Variants in RTL4 observed in about 807,000 individuals in gnomAD.
RTL4 encodes retrotransposon Gag like 4, also known as retrotransposon Gag-like protein 4.
Under a neutral mutation model 5.3 loss-of-function variants are expected in RTL4, and 4 were observed. The observed-to-expected ratio is 0.75, with a 90% confidence interval of 0.37 to 1.72. The LOEUF (loss-of-function observed/expected upper bound fraction) is 1.72, where lower values mean the gene tolerates loss of function less well. Ranked by LOEUF, RTL4 falls within the 40% of genes most tolerant of loss-of-function variation. The probability of loss-of-function intolerance (pLI) is 0.04; values close to 1 mark genes in which losing one functional copy is unlikely to be tolerated. For synonymous variants in RTL4, 98 were observed against 87.3 expected (o/e 1.12, Z -0.68); for missense variants, 260 against 227.1 (o/e 1.14, Z -0.93).
At chrX:112,442,394 C>T in the RTL4 span, among the ~76,000 whole-genome samples, 2 of 105,242 alleles carry the variant, frequency 1.9e-5, no homozygotes, top group African/African-American at 7.1e-5. Flanking sequence ...GTGCCCACCA[C>T]CACATCCAGT....
At chrX:112,096,252 T>C in the RTL4 span, among the ~76,000 whole-genome samples, 1 of 112,277 alleles carries the variant, frequency 8.9e-6, no homozygotes, top group African/African-American at 3.2e-5. Flanking sequence ...AGCTGGGTTA[T>C]AGTAACTGCC....
At chrX:112,249,658 G>C in the RTL4 span, among the ~76,000 whole-genome samples, 34 of 109,259 alleles carry the variant, frequency 3.1e-4, no homozygotes, top group African/African-American at 1.1e-3. Context: ...TTACATCATT[G>C]GATTTCCTGA....
the RTL4 span, among the ~76,000 whole-genome samples, chrX:112,123,079 G>C: frequency 6.3e-5 from 7 of 111,472 alleles, no homozygotes; most frequent in African/African-American, 2.3e-4. Flanking sequence ...GCAATACACT[G>C]ATTTTTAAAA....
At chrX:112,166,859 C>T in the RTL4 span, among the ~76,000 whole-genome samples, 2 of 111,901 alleles carry the variant, frequency 1.8e-5, no homozygotes, top group East Asian at 5.6e-4. Context: ...CAGGGCCTAA[C>T]ATATATTAAC....
the RTL4 span, among the ~76,000 whole-genome samples, chrX:112,281,945 T>C: frequency 6.2e-5 from 7 of 112,288 alleles, no homozygotes; most frequent in Non-Finnish European, 1.1e-4. Context: ...AACTGGCTCT[T>C]CACTCTGTTG....
the RTL4 span, among the ~76,000 whole-genome samples, chrX:112,243,514 T>C: frequency 3.6e-5 from 4 of 111,792 alleles, no homozygotes; most frequent in South Asian, 1.5e-3. Context: ...CTGATGGTAG[T>C]TTGTATTTCT....
At chrX:112,305,181 T>C in the RTL4 span, among the ~76,000 whole-genome samples, 2 of 92,825 alleles carry the variant, frequency 2.2e-5, no homozygotes, top group African/African-American at 1.1e-4. Flanking sequence ...TTTTTTGTCT[T>C]TTTTTTTTTT....
At chrX:112,243,141 TC>T in the RTL4 span, among the ~76,000 whole-genome samples, 1 of 111,421 alleles carries the variant, frequency 9.0e-6, no homozygotes, top group Non-Finnish European at 1.9e-5. Flanking sequence ...GGGATATTGG[TC>T]TAAAATTCTC....
At chrX:112,169,068 CTTTT>C in the RTL4 span, among the ~76,000 whole-genome samples, 2 of 46,010 alleles carry the variant, frequency 4.3e-5, no homozygotes, top group African/African-American at 7.7e-5. Flanking sequence ...TTCTTTCTTT[CTTTT>C]TTCTTTCTTT....
At chrX:112,310,373 T>TAC in the RTL4 span, among the ~76,000 whole-genome samples, 1 of 2,467 alleles carries the variant, frequency 4.1e-4, no homozygotes, top group Non-Finnish European at 9.1e-4. Context: ...TTTATACATA[T>TAC]ATATATATAT....
the RTL4 span, among the ~76,000 whole-genome samples, chrX:112,100,444 G>A: frequency 5.4e-5 from 6 of 112,087 alleles, no homozygotes; most frequent in Admixed American, 1.9e-4. Context: ...AGTCATGAAT[G>A]TATATACGTG....
At chrX:112,455,815 T>C (rs1203713880) in exon 1 of RTL4, 4 of 522,258 alleles carry the variant, frequency 7.7e-6, no homozygotes, top group Non-Finnish European at 1.2e-5. Flanking sequence ...CAATCAGATC[T>C]TGTTCATTGG....
the RTL4 span, among the ~76,000 whole-genome samples, chrX:112,345,922 T>C: frequency 1.8e-3 from 199 of 111,556 alleles, no homozygotes; most frequent in Non-Finnish European, 2.6e-3. Context: ...TTAAGGAGAT[T>C]TAATGAAAAA....
At chrX:112,330,653 C>A in the RTL4 span, among the ~76,000 whole-genome samples, 2 of 111,156 alleles carry the variant, frequency 1.8e-5, no homozygotes, top group African/African-American at 3.3e-5. Flanking sequence ...TTGGAAAAAA[C>A]TACTTTAAAG....
At position 112,455,276 on chromosome X, in the gene RTL4, A is replaced by C. The variant is rs780736485; in HGVS notation, c.548A>C (p.Gln183Pro). 47 of 1,209,571 alleles carry C rather than the reference A, an allele frequency of 3.9e-5. No individual in the cohort carries two copies. The East Asian group carries it at 1.4e-3, about 35-fold the overall frequency. The change falls in exon 1 of 1, where the codon CAG becomes CCG. Residue 183 changes from glutamine (Q) to proline (P), a missense_variant. Coordinates refer to ENST00000340433, the Ensembl canonical transcript of RTL4. ...TGTAATGAAACCAATCAGAGTGGTC[A>C]GTTCGAAAAGGCACTAGCTGATCCC...
the RTL4 span, among the ~76,000 whole-genome samples, chrX:112,375,377 C>T: frequency 9.0e-6 from 1 of 111,148 alleles, no homozygotes; most frequent in South Asian, 3.8e-4. Context: ...TGCAGCCTCT[C>T]TTTCCTGCTC....
At chrX:112,299,280 G>A in the RTL4 span, among the ~76,000 whole-genome samples, 69 of 111,992 alleles carry the variant, frequency 6.2e-4, no homozygotes, top group Non-Finnish European at 1.2e-3. Flanking sequence ...ACTTCAGTGT[G>A]CCACACAAAC....
the RTL4 span, among the ~76,000 whole-genome samples, chrX:112,268,234 A>G: frequency 8.9e-6 from 1 of 111,747 alleles, no homozygotes; most frequent in African/African-American, 3.3e-5. Context: ...GTTTTACAAC[A>G]TGGTGGTTAT....
chrX:112,364,883 T>G, the RTL4 span, among the ~76,000 whole-genome samples: 1 of 112,123 alleles, frequency 8.9e-6, no homozygotes, highest in Non-Finnish European at 1.9e-5. Context: ...TTGCTGATAT[T>G]AATTCAATTC....
Sources: gnomAD v4.1 joint callset for allele counts (sites outside exome capture counted in the v4.1 genomes callset) on GRCh38, gnomAD v4.1.1 for gene constraint, MANE v1.5 for transcripts, NCBI Gene and HGNC (gene_info 2026-07-23, HGNC 2026-07-21) for gene names.